Variants in FOCAD observed in about 807,000 individuals in gnomAD.
The protein encoded by FOCAD is focadhesin, also known as KIAA1797.
Under a neutral mutation model 225.6 loss-of-function variants are expected in FOCAD, and 198 were observed. The ratio of observed to expected loss-of-function variants is 0.88; its 90% CI spans 0.78 to 0.99. The LOEUF is 0.99. Ranked by LOEUF, FOCAD falls within the 50% of genes least tolerant of loss-of-function variation. The probability of loss-of-function intolerance (pLI) is 0.00; values close to 1 mark genes in which losing one functional copy is unlikely to be tolerated. For missense variants in FOCAD, 2,713 were observed against 2,123.6 expected, an observed-to-expected ratio of 1.28 and a Z score of -5.46; for synonymous variants, 897 against 755.0, an observed-to-expected ratio of 1.19 and a Z score of -3.08.
rs1377393281 is a variant in FOCAD at position 20,982,461 on chromosome 9, T to G, written c.4728+15T>G. The stretch of plus-strand genomic sequence containing the variant: ...AGGTTACTAAGGTAATAACATATCT[T>G]TCTATACCTTTTTTCATTATTGAGC... On this transcript the variant is annotated intron_variant, in intron 39 of 43. Coordinates refer to ENST00000338382, the MANE Select transcript of FOCAD (RefSeq NM_001375567.1). The G allele has an allele frequency of 6.3e-7, 1 of 1,584,288 alleles. No individual in the cohort carries two copies. The highest frequency in any genetic ancestry group is 8.7e-7 in the Non-Finnish European group (1 of 1,155,226).
chr9:20,814,947 G>C (rs897082579), intron 11 of FOCAD, among the ~76,000 whole-genome samples: 1 of 151,694 alleles, frequency 6.6e-6, no homozygotes, highest in South Asian at 2.1e-4. Context: ...AATATTATAG[G>C]ATTCTTTGTT....
Position 20,923,690 on chromosome 9 carries a change from G to T in FOCAD, c.2883G>T (p.Leu961=). Residue 961 remains leucine (L), a synonymous_variant, in exon 25 of 44, where the codon CTG becomes CTT. Transcript: ENST00000338382. The stretch of plus-strand genomic sequence containing the variant: ...GTCCGGTAGTGAAAGGCAATGCGCT[G>T]TTAGCTCTAAGCAGCCTTGCTGTCG... ...KESPVVKGNA[L]LALSSLAVVV... 6.2e-7 allele frequency: 1 copy of T among 1,614,048 alleles called. No homozygotes were observed. Among genetic ancestry groups the T allele is most frequent in the Non-Finnish European group, 8.5e-7 (1 of 1,179,934 alleles).
chr9:20,875,815 C>T (rs1830179955), intron 19 of FOCAD: 1 of 152,102 alleles, frequency 6.6e-6, no homozygotes, highest in Non-Finnish European at 1.5e-5. Context: ...AAGTTATTTA[C>T]AAATTCCTCA....
At chr9:20,658,222 T>G, upstream of FOCAD, 1 of 152,938 alleles carries the variant, frequency 6.5e-6, no homozygotes, top group East Asian at 1.9e-4. Flanking sequence ...AGGTTACTGC[T>G]GTCTTTTTGT....
chr9:20,949,055 AC>A, intron 32 of FOCAD, 127 bp downstream of exon 32: 1 of 750,846 alleles, frequency 1.3e-6, no homozygotes, highest in Non-Finnish European at 2.2e-6. Flanking sequence ...GTTACACCAG[AC>A]TTTTTAATGC....
intron 11 of FOCAD, among the ~76,000 whole-genome samples, chr9:20,795,784 GAAA>G (rs1161085446): frequency 1.7e-4 from 7 of 42,410 alleles, no homozygotes; most frequent in African/African-American, 4.5e-4. Context: ...ACTCTGTCTC[GAAA>G]AAAAAAAAAA....
intron 35 of FOCAD, among the ~76,000 whole-genome samples, chr9:20,974,261 T>G (rs200397255): frequency 0.025 from 1,965 of 78,004 alleles, no homozygotes; most frequent in Middle Eastern, 0.095. Flanking sequence ...CTGTTTTCAC[T>G]TTTGCTGTCT....
chr9:20,751,673 A>G (rs1459144783), intron 5 of FOCAD, among the ~76,000 whole-genome samples: 1 of 148,330 alleles, frequency 6.7e-6, no homozygotes, highest in East Asian at 2.0e-4. Context: ...GTATATACCC[A>G]GTAATGGGAT....
chr9:20,796,004 C>G (rs1274691775), intron 11 of FOCAD, among the ~76,000 whole-genome samples: 1 of 151,562 alleles, frequency 6.6e-6, no homozygotes, highest in Middle Eastern at 3.4e-3. Flanking sequence ...GTGATGTTCC[C>G]CTTCCTGTGT....
chr9:20,965,939 C>T (rs1379234427), intron 35 of FOCAD, among the ~76,000 whole-genome samples: 1 of 151,956 alleles, frequency 6.6e-6, no homozygotes, highest in Non-Finnish European at 1.5e-5. Flanking sequence ...AGTTTATGGC[C>T]GTTTGGGTTG....
At chr9:20,734,963 T>C (rs1354315047) in intron 4 of FOCAD, among the ~76,000 whole-genome samples, 1 of 152,092 alleles carries the variant, frequency 6.6e-6, no homozygotes, top group East Asian at 1.9e-4. Context: ...TAGGATGGGG[T>C]CATAGAAGCA....
chr9:20,745,306 T>A (rs929277803), intron 5 of FOCAD, among the ~76,000 whole-genome samples: 3 of 151,966 alleles, frequency 2.0e-5, no homozygotes, highest in African/African-American at 7.3e-5. Flanking sequence ...TCCAGGCTGG[T>A]CTTGAACTCC....
intron 2 of FOCAD, 89 bp downstream of exon 2, chr9:20,715,499 A>G (rs2131509984): frequency 1.9e-6 from 1 of 535,782 alleles, no homozygotes. Flanking sequence ...AATATTAAAT[A>G]TTTTATTCTA....
chr9:20,917,366 A>G (rs1587602484), intron 24 of FOCAD, among the ~76,000 whole-genome samples: 2 of 152,210 alleles, frequency 1.3e-5, no homozygotes, highest in African/African-American at 4.8e-5. Flanking sequence ...TGAATTTTTA[A>G]ATACTAAAAA....
At chr9:20,848,951 T>A (rs904784733) in intron 15 of FOCAD, among the ~76,000 whole-genome samples, 3 of 145,130 alleles carry the variant, frequency 2.1e-5, no homozygotes, top group Non-Finnish European at 4.4e-5. Context: ...TTGGGTAGAT[T>A]TGCATTTCTG....
In FOCAD at chr9:20,770,099, G is replaced by A. The variant is rs753793211; in HGVS notation, c.767G>A (p.Arg256His). 125 of 1,614,020 alleles carry A rather than the reference G, an allele frequency of 7.7e-5. 1 individual carries two copies. In the South Asian group the frequency reaches 1.1e-3, roughly 14 times the overall value. ...GAGGAAGTATGTTTAAGCCTTTTGC[G>A]TCATCCTGTTTTCTGGAAAATTCAG... ...FIEEVCLSLLRHPVFWKIQLT... is the reference protein window; with the variant it reads ...FIEEVCLSLLHHPVFWKIQLT... Residue 256 changes from arginine to histidine, a missense_variant, in exon 8 of 44, where the codon CGT becomes CAT. Coordinates refer to ENST00000338382, the MANE Select transcript of FOCAD (RefSeq NM_001375567.1).
At chr9:20,716,753 A>G (rs1020279023) in intron 2 of FOCAD, among the ~76,000 whole-genome samples, 4 of 151,984 alleles carry the variant, frequency 2.6e-5, no homozygotes, top group Non-Finnish European at 5.9e-5. Context: ...TTGAAATTGG[A>G]TTGCCTCTAG....
intron 15 of FOCAD, among the ~76,000 whole-genome samples, chr9:20,857,767 C>T (rs796532075): frequency 1.8e-5 from 2 of 109,502 alleles, no homozygotes; most frequent in Admixed American, 2.0e-4. Context: ...TTTCTATACC[C>T]AGTTTTTTTT....
intron 11 of FOCAD, among the ~76,000 whole-genome samples, chr9:20,811,286 C>G (rs1009402559): frequency 1.3e-5 from 2 of 151,888 alleles, no homozygotes; most frequent in East Asian, 3.9e-4. Flanking sequence ...TGATACAGTC[C>G]GAAATTCAGT....
Sources: gnomAD v4.1 joint callset for allele counts (sites outside exome capture counted in the v4.1 genomes callset) on GRCh38, gnomAD v4.1.1 for gene constraint, MANE v1.5 for transcripts, NCBI Gene and HGNC (gene_info 2026-07-23, HGNC 2026-07-21) for gene names.